AVEN: variants seen among roughly 807,000 people sequenced by gnomAD.
AVEN encodes cell death regulator Aven.
In AVEN, 41 loss-of-function variants were observed where a neutral mutation model predicts 38.1. The observed-to-expected ratio is 1.08, with a 90% CI of 0.84 to 1.40. The LOEUF is 1.40. Ranked by LOEUF, AVEN falls within the 40% of genes most tolerant of loss-of-function variation. The probability of loss-of-function intolerance (pLI) is 0.00; values close to 1 mark genes in which losing one functional copy is unlikely to be tolerated. For missense variants in AVEN, 605 were observed against 438.8 expected (o/e 1.38, Z -3.38); for synonymous variants, 206 against 171.8 (o/e 1.20, Z -1.56).
At chr15:33,938,305 A>G (rs879708991) in intron 2 of AVEN, among the ~76,000 whole-genome samples, 4 of 152,054 alleles carry the variant, frequency 2.6e-5, no homozygotes, top group Admixed American at 2.0e-4. Context: ...AATACAAAAA[A>G]TTAGCCGGGC....
intron 2 of AVEN, among the ~76,000 whole-genome samples, chr15:33,944,595 G>A (rs1226014073): frequency 3.9e-5 from 6 of 152,160 alleles, no homozygotes; most frequent in African/African-American, 1.4e-4. Context: ...GGATCACGAG[G>A]TCAGGAGATG....
chr15:34,025,042 G>A (rs1484508575), intron 1 of AVEN, among the ~76,000 whole-genome samples: 5 of 150,712 alleles, frequency 3.3e-5, no homozygotes, highest in African/African-American at 4.9e-5. Context: ...ATGGTGGTAG[G>A]AGCCTGTAAT....
intron 1 of AVEN, among the ~76,000 whole-genome samples, chr15:34,011,996 G>A (rs1225706194): frequency 1.3e-5 from 2 of 152,094 alleles, no homozygotes; most frequent in East Asian, 3.8e-4. Flanking sequence ...AAAGGAAGGG[G>A]GAAATGGCAA....
chr15:34,029,683 G>A (rs916412476), intron 1 of AVEN, among the ~76,000 whole-genome samples: 8 of 152,192 alleles, frequency 5.3e-5, no homozygotes, highest in African/African-American at 1.9e-4. Flanking sequence ...AGGAAGCCAA[G>A]CTTTGTCTTC....
At chr15:33,961,638 C>A (rs750820459) in intron 2 of AVEN, among the ~76,000 whole-genome samples, 2 of 151,122 alleles carry the variant, frequency 1.3e-5, no homozygotes, top group Admixed American at 6.6e-5. Context: ...ACGGTGAAAC[C>A]CCGTCTCTAC....
chr15:33,962,944 AAAAAAAAAAAAAAT>A (rs1895252951), intron 2 of AVEN, among the ~76,000 whole-genome samples: 8 of 75,612 alleles, frequency 1.1e-4, no homozygotes, highest in Admixed American at 6.9e-4. Context: ...AAAAAAAAAA[AAAAAAAAAAAAAAT>A]TCTCATACAG....
chr15:33,944,228 C>A (rs1339444701), intron 2 of AVEN, among the ~76,000 whole-genome samples: 1 of 152,104 alleles, frequency 6.6e-6, no homozygotes, highest in Non-Finnish European at 1.5e-5. Context: ...ATTCAACAAA[C>A]ATTTATGAAA....
rs3027963 is a variant in AVEN at position 34,058,555 on chromosome 15, AACACACAC to A, written n.1637+4359_1637+4366del. On this transcript the variant is annotated intron_variant and non_coding_transcript_variant, in intron 5 of 11. Coordinates refer to the AVEN transcript ENST00000675287. ...AGGAAGTTCTCTCTGCTTTAATTCT[AACACACAC>A]ACACACACACACACACACACACACA... 5.4e-4 allele frequency among the ~76,000 whole-genome samples: 78 copies of A among 143,286 alleles called. 2 individuals carry two copies. The highest frequency in any genetic ancestry group is 1.5e-3 in the African/African-American group (57 of 38,882). 94.0% of individuals were successfully genotyped at this position (143,286 alleles called of 152,430 possible).
intron 2 of AVEN, among the ~76,000 whole-genome samples, chr15:33,877,680 G>A (rs1373906198): frequency 1.3e-5 from 2 of 152,172 alleles, no homozygotes; most frequent in Admixed American, 6.5e-5. Flanking sequence ...ACTGGTCACG[G>A]TGTCTCATGC....
chr15:34,009,616 C>T (rs914885389), intron 1 of AVEN, among the ~76,000 whole-genome samples: 3 of 151,982 alleles, frequency 2.0e-5, no homozygotes, highest in Admixed American at 1.3e-4. Context: ...AAATATCAGA[C>T]AAAATAGACT....
intron 2 of AVEN, among the ~76,000 whole-genome samples, chr15:33,895,687 A>C (rs1892205103): frequency 6.6e-6 from 1 of 152,112 alleles, no homozygotes; most frequent in African/African-American, 2.4e-5. Context: ...ACCTACCTCC[A>C]ATATAGTATT....
At chr15:33,954,321 T>C (rs1342557500) in intron 2 of AVEN, among the ~76,000 whole-genome samples, 1 of 152,228 alleles carries the variant, frequency 6.6e-6, no homozygotes, top group African/African-American at 2.4e-5. Context: ...CAAAGGATTA[T>C]AAATCATGCT....
At chr15:33,871,477 A>G (rs1432769527) in intron 3 of AVEN, among the ~76,000 whole-genome samples, 1 of 152,104 alleles carries the variant, frequency 6.6e-6, no homozygotes, top group Admixed American at 6.5e-5. Context: ...CTGAGGCAGG[A>G]GAATCGCTTG....
intron 2 of AVEN, among the ~76,000 whole-genome samples, chr15:33,877,476 T>G (rs1173801135): frequency 2.0e-5 from 3 of 152,178 alleles, no homozygotes; most frequent in African/African-American, 7.2e-5. Context: ...AAAACTTATC[T>G]TAAAAAATAA....
At chr15:33,853,706 A>G in the AVEN span, 2 of 1,606,878 alleles carry the variant, frequency 1.2e-6, no homozygotes, top group Non-Finnish European at 1.7e-6. Flanking sequence ...AGGAGTTCAA[A>G]TCCAAAGCAG....
intron 2 of AVEN, among the ~76,000 whole-genome samples, chr15:33,903,112 C>T (rs1343212457): frequency 1.3e-5 from 2 of 152,200 alleles, no homozygotes; most frequent in South Asian, 2.1e-4. Context: ...TTGCTCTAGA[C>T]ATCGGCACGT....
chr15:33,942,452 T>C (rs985485367), intron 2 of AVEN, among the ~76,000 whole-genome samples: 1 of 152,108 alleles, frequency 6.6e-6, no homozygotes, highest in Admixed American at 6.5e-5. Flanking sequence ...TTTTATCTTT[T>C]TTTTTTCTTT....
chr15:33,867,506 T>G lies in AVEN; in HGVS notation c.962A>C (p.Gln321Pro). 1.3e-6 allele frequency: 2 copies of G among 1,576,598 alleles called. No individual in the cohort carries two copies. The highest frequency in any genetic ancestry group is 2.7e-5 in the African/African-American group (2 of 73,398). Residue 321 changes from glutamine (Q) to proline (P), a missense_variant, in exon 5 of 6, where the codon CAA (glutamine) becomes CCA (proline). Transcript: ENST00000306730. ...LKSKEDGEVVQEEEVCAKPSV... is the reference protein window; with the variant it reads ...LKSKEDGEVVPEEEVCAKPSV... ...AATGAAAGCCATACCTTCTTCCTCT[T>G]GGACCACCTCCCCATCTTCCTTGGA...
Position 33,948,860 on chromosome 15 carries a change from C to G in AVEN, c.445+54172G>C, listed in dbSNP as rs1222700752. 3.9e-5 allele frequency among the ~76,000 whole-genome samples: 6 copies of G among 152,004 alleles called. 1 individual carries two copies. In the East Asian group the frequency reaches 1.2e-3, roughly 30 times the overall value. ...GCTAACTTTTGTATTTTTATCGAGA[C>G]AGGGGATTCATCATGATGGCCAGGC... is the stretch of plus-strand genomic sequence containing the variant. On this transcript the variant is annotated intron_variant, in intron 2 of 5. Coordinates refer to ENST00000306730, the MANE Select transcript of AVEN (RefSeq NM_020371.3).
Sources: allele counts gnomAD v4.1 joint callset (sites outside exome capture counted in the v4.1 genomes callset), GRCh38; gene constraint gnomAD v4.1.1; transcripts MANE v1.5; gene names NCBI Gene and HGNC (gene_info 2026-07-23, HGNC 2026-07-21).